The following OSBPL9 variants were observed in gnomAD, a reference collection of about 807,000 sequenced individuals.
OSBPL9 encodes oxysterol binding protein like 9.
A neutral mutation model predicts 106.6 loss-of-function variants in OSBPL9; 40 were observed. That is an observed-to-expected ratio of 0.38 (90% CI 0.29 to 0.49). The LOEUF (loss-of-function observed/expected upper bound fraction) is 0.49. OSBPL9 is among the 20% of genes least tolerant of loss of function. The probability of loss-of-function intolerance (pLI) is 0.97; values close to 1 mark genes in which losing one functional copy is unlikely to be tolerated. For missense variants in OSBPL9, 609 were observed against 887.2 expected, an observed-to-expected ratio of 0.69 and a Z score of 3.98; for synonymous variants, 269 against 295.4, an observed-to-expected ratio of 0.91 and a Z score of 0.92.
At chr1:51,566,889 G>A in the OSBPL9 span, among the ~76,000 whole-genome samples, 1 of 152,170 alleles carries the variant, frequency 6.6e-6, no homozygotes, top group Non-Finnish European at 1.5e-5. Context: ...CTGCCCCAGA[G>A]GAGGATCTCA....
chr1:51,779,805 C>T (rs944100563), intron 15 of OSBPL9, among the ~76,000 whole-genome samples: 56 of 152,106 alleles, frequency 3.7e-4, no homozygotes, highest in African/African-American at 1.1e-3. Context: ...TGGCCGGGCG[C>T]GGTGGCTCAC....
chr1:51,772,254 G>A (rs1012162357), intron 13 of OSBPL9, 72 bp downstream of exon 13: 28 of 1,271,568 alleles, frequency 2.2e-5, no homozygotes, highest in African/African-American at 1.2e-4. Flanking sequence ...GGCTCATGCC[G>A]TAATCCCAGC....
chr1:51,538,251 C>T, the OSBPL9 span, among the ~76,000 whole-genome samples: 1 of 152,076 alleles, frequency 6.6e-6, no homozygotes, highest in Non-Finnish European at 1.5e-5. Flanking sequence ...AAGATCACGC[C>T]ACTGCACTCC....
intron 4 of OSBPL9, among the ~76,000 whole-genome samples, chr1:51,734,864 G>A (rs1571409627): frequency 6.6e-6 from 1 of 152,042 alleles, no homozygotes; most frequent in East Asian, 1.9e-4. Flanking sequence ...CCCATTTTTA[G>A]CCACTAATTT....
intron 3 of OSBPL9, among the ~76,000 whole-genome samples, chr1:51,704,329 G>A (rs568917175): frequency 2.6e-5 from 4 of 152,308 alleles, no homozygotes; most frequent in African/African-American, 9.6e-5. Context: ...TTATTGGTCG[G>A]TCTATTCAGA....
At chr1:51,630,125 A>G (rs1645018473) in intron 1 of OSBPL9, among the ~76,000 whole-genome samples, 1 of 152,078 alleles carries the variant, frequency 6.6e-6, no homozygotes. Flanking sequence ...TGAATGAATC[A>G]AGGAGACAGA....
chr1:51,740,311 T>G, intron 4 of OSBPL9: 1 of 1,294,444 alleles, frequency 7.7e-7, no homozygotes, highest in Non-Finnish European at 1.0e-6. Flanking sequence ...GAACATAAAC[T>G]TTCCAATATT....
chr1:51,560,688 G>A, the OSBPL9 span, among the ~76,000 whole-genome samples: 9 of 152,154 alleles, frequency 5.9e-5, no homozygotes, highest in Non-Finnish European at 8.8e-5. Flanking sequence ...GAGATGGAGA[G>A]GACAACAACT....
chr1:51,561,986 C>G, the OSBPL9 span: 2 of 152,180 alleles, frequency 1.3e-5, no homozygotes, highest in Admixed American at 1.3e-4. Context: ...GATGAATCTA[C>G]TCCCCCTGGT....
chr1:51,767,342 G>A (rs1371667569), intron 12 of OSBPL9, among the ~76,000 whole-genome samples: 7 of 151,300 alleles, frequency 4.6e-5, no homozygotes, highest in South Asian at 2.1e-4. Flanking sequence ...GCAGTGAGCC[G>A]AGATTGGGCT....
chr1:51,640,129 C>T (rs1645696994), intron 1 of OSBPL9, among the ~76,000 whole-genome samples: 2 of 152,154 alleles, frequency 1.3e-5, no homozygotes, highest in African/African-American at 4.8e-5. Context: ...CCATACTTGG[C>T]CATTCTTTGC....
intron 3 of OSBPL9, among the ~76,000 whole-genome samples, chr1:51,676,657 T>TAAA (rs745556662): frequency 3.4e-5 from 3 of 88,878 alleles, no homozygotes; most frequent in South Asian, 3.5e-4. Context: ...AGACTCCATC[T>TAAA]AAAAAAAAAA....
intron 1 of OSBPL9, among the ~76,000 whole-genome samples, chr1:51,633,196 C>T (rs1178000959): frequency 3.3e-5 from 5 of 151,704 alleles, no homozygotes; most frequent in East Asian, 2.0e-4. Flanking sequence ...TGACCTCAGG[C>T]GATCCACCCG....
At chr1:51,787,228 G>C (rs1255148191) in intron 22 of OSBPL9, 125 bp from the exon 23 acceptor site, 9 of 901,138 alleles carry the variant, frequency 1.0e-5, no homozygotes, top group Non-Finnish European at 1.6e-5. Flanking sequence ...CCTGGTGCCA[G>C]CGTAAGGAGA....
intron 2 of OSBPL9, among the ~76,000 whole-genome samples, chr1:51,661,174 G>A (rs555433331): frequency 1.3e-5 from 2 of 152,270 alleles, no homozygotes; most frequent in Non-Finnish European, 2.9e-5. Context: ...GCTATGCTGT[G>A]TATTCTTAGC....
At chr1:51,617,036 GCCCC>G, upstream of OSBPL9, 1 of 1,388,336 alleles carries the variant, frequency 7.2e-7, no homozygotes, top group Non-Finnish European at 9.8e-7. Flanking sequence ...GCCCCCTGCG[GCCCC>G]GCCCCCCGCA....
At chr1:51,541,789 T>A in the OSBPL9 span, among the ~76,000 whole-genome samples, 1 of 152,144 alleles carries the variant, frequency 6.6e-6, no homozygotes, top group African/African-American at 2.4e-5. Context: ...CAGTAGTTGC[T>A]CTCTGGGAGG....
the OSBPL9 span, among the ~76,000 whole-genome samples, chr1:51,542,809 C>T: frequency 7.4e-3 from 1,127 of 152,232 alleles, 10 homozygotes; most frequent in African/African-American, 0.026. Context: ...ACTCCAAAGC[C>T]CACCTCCCTT....
intron 2 of OSBPL9, among the ~76,000 whole-genome samples, chr1:51,604,931 C>T (rs1643931995): frequency 6.6e-6 from 1 of 152,118 alleles, no homozygotes; most frequent in Non-Finnish European, 1.5e-5. Context: ...GGATTACAGG[C>T]GTGAGCCACC....
Sources: gnomAD v4.1 joint callset for allele counts (sites outside exome capture counted in the v4.1 genomes callset) on GRCh38, gnomAD v4.1.1 for gene constraint, MANE v1.5 for transcripts, NCBI Gene and HGNC (gene_info 2026-07-23, HGNC 2026-07-21) for gene names.